The following PRKN variants were observed in gnomAD, a reference collection of about 807,000 sequenced individuals.
PRKN encodes the protein parkin RBR E3 ubiquitin protein ligase.
A neutral mutation model predicts 59.5 loss-of-function variants in PRKN; 56 were observed. That is an observed-to-expected ratio of 0.94 (90% CI 0.76 to 1.18). The LOEUF (loss-of-function observed/expected upper bound fraction) is 1.18, where lower values mean the gene tolerates loss of function less well. PRKN is among the 50% of genes most tolerant of loss of function. The pLI is 0.00. For missense variants in PRKN, 657 were observed against 596.4 expected (o/e 1.10, Z -1.06); for synonymous variants, 250 against 222.1 (o/e 1.13, Z -1.12).
At chr6:162,038,025 T>C (rs1277945614) in intron 5 of PRKN, among the ~76,000 whole-genome samples, 1 of 150,088 alleles carries the variant, frequency 6.7e-6, no homozygotes, top group Non-Finnish European at 1.5e-5. Context: ...GTAATAATCA[T>C]ACTGGCACAC....
intron 6 of PRKN, among the ~76,000 whole-genome samples, chr6:161,839,011 G>A (rs1025057795): frequency 1.3e-5 from 2 of 152,154 alleles, no homozygotes; most frequent in Non-Finnish European, 2.9e-5. Flanking sequence ...GGGACTGGGC[G>A]AGGTGGGGGG....
At chr6:162,443,825 G>A (rs1790180636) in intron 1 of PRKN, among the ~76,000 whole-genome samples, 2 of 152,226 alleles carry the variant, frequency 1.3e-5, no homozygotes, top group South Asian at 4.2e-4. Context: ...CTGACAGCAT[G>A]TACACACTCA....
intron 7 of PRKN, among the ~76,000 whole-genome samples, chr6:161,689,403 C>A (rs1171427639): frequency 1.3e-5 from 2 of 152,082 alleles, no homozygotes; most frequent in Non-Finnish European, 1.5e-5. Flanking sequence ...TTAGCTTAGC[C>A]ATTTTAGTTA....
intron 1 of PRKN, among the ~76,000 whole-genome samples, chr6:162,666,020 C>T (rs747209787): frequency 3.9e-5 from 6 of 152,076 alleles, no homozygotes; most frequent in Non-Finnish European, 7.4e-5. Flanking sequence ...ACATCTTATA[C>T]AAAAATTAAT....
chr6:161,756,669 G>T (rs1157888483), intron 7 of PRKN, among the ~76,000 whole-genome samples: 1 of 151,448 alleles, frequency 6.6e-6, no homozygotes, highest in East Asian at 1.9e-4. Context: ...CATGGCCTGT[G>T]TGGGCTAGTG....
chr6:162,185,226 G>A (rs1468288311), intron 4 of PRKN, among the ~76,000 whole-genome samples: 1 of 152,042 alleles, frequency 6.6e-6, no homozygotes, highest in African/African-American at 2.4e-5. Flanking sequence ...TCAATACAAT[G>A]CATAGCCATT....
intron 2 of PRKN, among the ~76,000 whole-genome samples, chr6:162,315,921 A>G (rs528665864): frequency 4.8e-4 from 73 of 152,088 alleles, no homozygotes; most frequent in Non-Finnish European, 8.5e-4. Flanking sequence ...TACTCAACCT[A>G]TTTCATTTTG....
chr6:162,506,147 G>A (rs1313720026), intron 1 of PRKN, among the ~76,000 whole-genome samples: 1 of 150,348 alleles, frequency 6.7e-6, no homozygotes, highest in Non-Finnish European at 1.5e-5. Flanking sequence ...GAAAATGTAT[G>A]TCCTCATTCA....
intron 6 of PRKN, among the ~76,000 whole-genome samples, chr6:161,961,143 C>T (rs943372207): frequency 6.6e-5 from 10 of 152,172 alleles, no homozygotes; most frequent in Non-Finnish European, 1.0e-4. Flanking sequence ...ACACATGTGT[C>T]TGGACTGAGC....
At chr6:162,471,377 C>T (rs1007573037) in intron 1 of PRKN, among the ~76,000 whole-genome samples, 4 of 152,122 alleles carry the variant, frequency 2.6e-5, no homozygotes, top group African/African-American at 7.2e-5. Context: ...GGATTACAGG[C>T]GTGAGCCACT....
chr6:162,044,293 C>T (rs1044674102), intron 5 of PRKN, among the ~76,000 whole-genome samples: 2 of 152,280 alleles, frequency 1.3e-5, no homozygotes, highest in South Asian at 2.1e-4. Context: ...TCTACAGGAA[C>T]GAACAAACGA....
intron 1 of PRKN, among the ~76,000 whole-genome samples, chr6:162,516,240 G>A (rs930011586): frequency 3.9e-5 from 6 of 152,210 alleles, no homozygotes; most frequent in Admixed American, 3.9e-4. Context: ...ATCTGGCCAG[G>A]TGTCCACTTA....
At chr6:162,242,082 A>C (rs1391999452) in intron 3 of PRKN, among the ~76,000 whole-genome samples, 2 of 152,178 alleles carry the variant, frequency 1.3e-5, no homozygotes, top group Admixed American at 6.6e-5. Context: ...TAAAATAAGA[A>C]ATTGCATAAA....
chr6:161,717,420 G>A (rs1053598285), intron 7 of PRKN, among the ~76,000 whole-genome samples: 2 of 152,078 alleles, frequency 1.3e-5, no homozygotes, highest in Non-Finnish European at 2.9e-5. Context: ...AATAAGTGCT[G>A]TGAAGACACT....
intron 7 of PRKN, among the ~76,000 whole-genome samples, chr6:161,754,430 CG>C (rs1220609401): frequency 6.6e-6 from 1 of 151,902 alleles, no homozygotes; most frequent in Non-Finnish European, 1.5e-5. Context: ...GGGAAGTGCA[CG>C]GGCCATGGCG....
intron 2 of PRKN, among the ~76,000 whole-genome samples, chr6:162,402,810 T>A (rs1327686352): frequency 6.6e-6 from 1 of 151,986 alleles, no homozygotes; most frequent in Non-Finnish European, 1.5e-5. Context: ...TGCCATCATA[T>A]CTGAGTGATT....
intron 6 of PRKN, among the ~76,000 whole-genome samples, chr6:161,916,698 C>T (rs1375878910): frequency 3.9e-5 from 6 of 152,186 alleles, no homozygotes; most frequent in Admixed American, 3.9e-4. Context: ...AATTTTATGG[C>T]TTTCCTCTTC....
chr6:162,270,773 T>G (rs1350390710), intron 2 of PRKN: 1 of 152,176 alleles, frequency 6.6e-6, no homozygotes, highest in Non-Finnish European at 1.5e-5. Flanking sequence ...AAATTGTCCT[T>G]TTTTGTGCTG....
chr6:161,879,348 T>TTC lies in PRKN; in HGVS notation c.735-93441_735-93440insGA, dbSNP rs1242522553. 2.0e-4 allele frequency among the ~76,000 whole-genome samples: 30 copies of TTC among 148,502 alleles called. No individual in the cohort carries two copies. In the East Asian group the frequency reaches 5.7e-3, roughly 28 times the overall value. On this transcript the variant is annotated intron_variant, in intron 6 of 11. Coordinates refer to ENST00000366898, the MANE Select transcript of PRKN (RefSeq NM_004562.3). ...TCATTATGACATTTCTGCCTTTTTT[T>TTC]TTTTTTTTTTTTTGAGATGGAGTCT...
Sources: allele counts gnomAD v4.1 joint callset (sites outside exome capture counted in the v4.1 genomes callset), GRCh38; gene constraint gnomAD v4.1.1; transcripts MANE v1.5; gene names NCBI Gene and HGNC (gene_info 2026-07-23, HGNC 2026-07-21).